Variants in CTNND1 observed in about 807,000 individuals in gnomAD.
The protein encoded by CTNND1 is catenin delta 1.
A neutral mutation model predicts 112.1 loss-of-function variants in CTNND1; 16 were observed. That is an observed-to-expected ratio of 0.14 (90% CI 0.10 to 0.22). The LOEUF is 0.22. Ranked by LOEUF, CTNND1 falls within the 10% of genes least tolerant of loss-of-function variation. The pLI is 1.00. For missense variants in CTNND1, 1,008 were observed against 1,257.0 expected, an observed-to-expected ratio of 0.80 and a Z score of 3.00; for synonymous variants, 420 against 446.5, an observed-to-expected ratio of 0.94 and a Z score of 0.75.
intron 1 of CTNND1, among the ~76,000 whole-genome samples, chr11:57,780,694 C>T (rs570417670): frequency 7.2e-5 from 11 of 152,316 alleles, no homozygotes; most frequent in African/African-American, 2.6e-4. Context: ...GACCTTAACA[C>T]TTCTGATTGA....
At position 57,819,472 on chromosome 11, in the gene CTNND1, C is replaced by A. The variant is rs1423291870; in HGVS notation, c.*3164C>A. 1 of 152,204 alleles carries A rather than the reference C, an allele frequency of 6.6e-6. No homozygotes were observed. The highest frequency in any genetic ancestry group is 6.5e-5 in the Admixed American group (1 of 15,276). 9.4% of individuals were successfully genotyped at this position (152,204 alleles called of 1,614,324 possible). Reference sequence around the variant, plus strand: ...CCTTTGGCATTGAGCTAGATACAAACCCTACTCTTCTCTCTTCCTTCTGGA... The same window carrying A: ...CCTTTGGCATTGAGCTAGATACAAAACCTACTCTTCTCTCTTCCTTCTGGA... On this transcript the variant is annotated 3_prime_UTR_variant, in exon 21 of 21. Transcript: ENST00000399050.
At position 57,794,883 on chromosome 11, in the gene CTNND1, CA is replaced by C. The variant is rs111312101; in HGVS notation, c.268-678del. On this transcript the variant is annotated intron_variant, in intron 4 of 20. Coordinates refer to ENST00000399050, the MANE Select transcript of CTNND1 (RefSeq NM_001085458.2). ...GCCAAGGCAGAGCAAAACTCCGTCT[CA>C]AAAAAAAAAAAAAAACAAAGTTCTT... is the stretch of plus-strand genomic sequence containing the variant. Among the ~76,000 whole-genome samples, 602 of 84,658 alleles carry C rather than the reference CA, an allele frequency of 7.1e-3. 2 individuals carry two copies. The highest frequency in any genetic ancestry group is 0.01 in the Non-Finnish European group (424 of 42,062). 55.5% of individuals were successfully genotyped at this position (84,658 alleles called of 152,430 possible). A position where few individuals can be genotyped will look rare whatever the true frequency, so the allele number is the denominator to read the frequency against.
chr11:57,779,252 G>C (rs917105918), intron 1 of CTNND1, among the ~76,000 whole-genome samples: 2 of 152,156 alleles, frequency 1.3e-5, no homozygotes, highest in Non-Finnish European at 2.9e-5. Flanking sequence ...TACCCGCTTA[G>C]TATTAAGAGT....
At chr11:57,799,752 T>C (rs1402278075) in intron 6 of CTNND1, among the ~76,000 whole-genome samples, 1 of 152,192 alleles carries the variant, frequency 6.6e-6, no homozygotes, top group East Asian at 1.9e-4. Context: ...TATAATTTTG[T>C]ATATTAATAA....
At chr11:57,768,697 A>G (rs1214662051) in intron 1 of CTNND1, among the ~76,000 whole-genome samples, 1 of 151,970 alleles carries the variant, frequency 6.6e-6, no homozygotes, top group East Asian at 1.9e-4. Context: ...CCAGCCAGAC[A>G]TCATTCTGTA....
chr11:57,786,928 C>T (rs1398384541), intron 1 of CTNND1, among the ~76,000 whole-genome samples: 1 of 152,220 alleles, frequency 6.6e-6, no homozygotes, highest in Non-Finnish European at 1.5e-5. Context: ...CCATCTGGTA[C>T]TGACTGCACT....
chr11:57,810,146 G>A lies in CTNND1; in HGVS notation c.2473G>A (p.Val825Ile). ...AAAAGAAGTTCGAGCAGCAGCACTT[G>A]TATTACAGACAATCTGGGGATATAA... is the stretch of plus-strand genomic sequence containing the variant. ...SEKEVRAAAL[V>I]LQTIWGYKEL... The change falls in exon 16 of 21, where the codon GTA (valine) becomes ATA (isoleucine). Residue 825 changes from valine to isoleucine, a missense_variant. Coordinates refer to ENST00000399050, the MANE Select transcript of CTNND1 (RefSeq NM_001085458.2). 5.0e-6 allele frequency: 8 copies of A among 1,612,826 alleles called. No individual in the cohort carries two copies. The highest frequency in any genetic ancestry group is 6.8e-6 in the Non-Finnish European group (8 of 1,179,426).
At chr11:57,779,440 T>C (rs1025897231) in intron 1 of CTNND1, among the ~76,000 whole-genome samples, 5 of 152,226 alleles carry the variant, frequency 3.3e-5, no homozygotes, top group African/African-American at 1.2e-4. Context: ...AACAGGCATC[T>C]TTTCTCACTT....
chr11:57,805,099 A>G (rs939914045), intron 9 of CTNND1, among the ~76,000 whole-genome samples: 4 of 151,978 alleles, frequency 2.6e-5, no homozygotes, highest in African/African-American at 9.7e-5. Flanking sequence ...GGGTTTCACC[A>G]TGTTGGCCTG....
intron 1 of CTNND1, among the ~76,000 whole-genome samples, chr11:57,783,333 G>A (rs755521180): frequency 2.0e-5 from 3 of 151,428 alleles, no homozygotes; most frequent in African/African-American, 4.9e-5. Flanking sequence ...GAGGTAGGGC[G>A]GGGTACTTAG....
intron 1 of CTNND1, among the ~76,000 whole-genome samples, chr11:57,780,071 T>TTTTTTTTTG (rs58673483): frequency 2.3e-5 from 3 of 129,230 alleles, no homozygotes; most frequent in Non-Finnish European, 3.3e-5. Context: ...TTTTTTTTTT[T>TTTTTTTTTG]GAGACAGGGT....
intron 6 of CTNND1, among the ~76,000 whole-genome samples, chr11:57,800,670 CCTT>C (rs1565349026): frequency 6.6e-6 from 1 of 152,200 alleles, no homozygotes; most frequent in Non-Finnish European, 1.5e-5. Flanking sequence ...GTGAGGCAGG[CCTT>C]CTGCTCAGGG....
Position 57,809,381 on chromosome 11 carries a change from G to A in CTNND1, c.2350G>A (p.Glu784Lys), listed in dbSNP as rs768419889. 1.2e-6 allele frequency: 2 copies of A among 1,613,998 alleles called. No homozygotes were observed. The highest frequency in any genetic ancestry group is 1.1e-5 in the South Asian group (1 of 91,076). ...TVISILNTIN[E>K]VIAENLEAAK... ...CATCTCTATTTTGAACACTATCAAC[G>A]AGGTTATCGCTGAGAACTTGGAGGC... The change falls in exon 15 of 21, where the codon GAG becomes AAG. Residue 784 changes from glutamate (E) to lysine (K), a missense_variant. By Grantham distance (56) the Glu-to-Lys change is moderately conservative. Coordinates refer to ENST00000399050, the MANE Select transcript of CTNND1 (RefSeq NM_001085458.2).
rs563806590 is a variant in CTNND1 at position 57,798,320 on chromosome 11, C to A, written c.956+1328C>A. On this transcript the variant is annotated intron_variant, in intron 6 of 20. Transcript: ENST00000399050. ...CGAGATCCCGCCACTGCACTCCAGC[C>A]TGGGTGACATAGTGAGACTGTCTCA... Among the ~76,000 whole-genome samples the A allele has an allele frequency of 2.0e-5, 3 of 147,254 alleles. No individual in the cohort carries two copies. In the South Asian group the frequency reaches 6.6e-4, roughly 32 times the overall value.
intron 3 of CTNND1, 96 bp downstream of exon 3, chr11:57,791,769 G>A (rs1482904151): frequency 6.1e-6 from 8 of 1,320,912 alleles, no homozygotes; most frequent in Non-Finnish European, 8.1e-6. Context: ...TTTTGGTGAT[G>A]GGCTGTCCAG....
rs1264856844 is a variant in CTNND1, at chr11:57,815,969, G to C, written c.2863G>C (p.Asp955His). Residue 955 changes from aspartate to histidine, a missense_variant, in exon 20 of 21, where the codon GAT (aspartate) becomes CAT (histidine). Asp to His is a moderately conservative substitution (Grantham distance 81). Coordinates refer to ENST00000399050, the MANE Select transcript of CTNND1 (RefSeq NM_001085458.2). ...EEELDVLVLD[D>H]EGGQVSYPSM... ...AGAGTTGGATGTGTTGGTTTTGGAT[G>C]ATGAGGGGGGCCAAGTGTCTTACCC... The C allele has an allele frequency of 6.3e-7, 1 of 1,599,844 alleles. No homozygotes were observed. The highest frequency in any genetic ancestry group is 1.4e-5 in the African/African-American group (1 of 73,854).
chr11:57,808,244 A>G lies in CTNND1; in HGVS notation c.2043A>G (p.Leu681=). 1.2e-6 allele frequency: 2 copies of G among 1,613,952 alleles called. No homozygotes were observed. The highest frequency in any genetic ancestry group is 1.7e-6 in the Non-Finnish European group (2 of 1,179,808). The change falls in exon 13 of 21, where the codon CTA becomes CTG. Residue 681 remains leucine, a synonymous_variant. Coordinates refer to ENST00000399050, the MANE Select transcript of CTNND1 (RefSeq NM_001085458.2). ...AGGAGAGCAAGACTCCTGCCATCCT[A>G]GAAGCCTCAGCTGGAGCTATCCAGA... ...LLKESKTPAI[L]EASAGAIQNL...
In CTNND1 at chr11:57,771,315, C is replaced by T. The variant is rs116548448; in HGVS notation, c.-214+9196C>T. Among the ~76,000 whole-genome samples, 1,239 of 151,792 alleles carry T rather than the reference C, an allele frequency of 8.2e-3. 23 individuals are homozygous for T. Among genetic ancestry groups the T allele is most frequent in the African/African-American group, 0.028 (1,164 of 41,352 alleles). On this transcript the variant is annotated intron_variant, in intron 1 of 20. Transcript: ENST00000399050. ...CTAGTTGTGAGAGACAAATAATAAG[C>T]GAGTAAATATGTAGTATGTCAGAGT...
In CTNND1 at chr11:57,788,746, G is replaced by A. The variant is rs1487203316; in HGVS notation, c.-213-291G>A. Among the ~76,000 whole-genome samples, 1 of 152,144 alleles carries A rather than the reference G, an allele frequency of 6.6e-6. No individual in the cohort carries two copies. The highest frequency in any genetic ancestry group is 2.4e-5 in the African/African-American group (1 of 41,438). ...CCCCAATTTGGTTGCTGGAAACAGGGTAAATGGATTTTTATACATATTATA... is the reference window on the plus strand; with the variant it reads ...CCCCAATTTGGTTGCTGGAAACAGGATAAATGGATTTTTATACATATTATA... On this transcript the variant is annotated intron_variant, in intron 1 of 20. Coordinates refer to ENST00000399050, the MANE Select transcript of CTNND1 (RefSeq NM_001085458.2). This position sits in a 1 kb window ranked among gnomAD's most constrained non-coding sequence, Gnocchi z 4.1.
Sources: gnomAD v4.1 joint callset for allele counts (sites outside exome capture counted in the v4.1 genomes callset) on GRCh38, gnomAD v4.1.1 for gene constraint, Gnocchi (gnomAD v3.1) non-coding constraint, MANE v1.5 for transcripts, NCBI Gene and HGNC (gene_info 2026-07-23, HGNC 2026-07-21) for gene names.